IL16: variants seen among roughly 807,000 people sequenced by gnomAD.
IL16 encodes interleukin 16, also known as pro-interleukin-16.
Under a neutral mutation model 110.1 loss-of-function variants are expected in IL16, and 67 were observed. The ratio of observed to expected loss-of-function variants is 0.61; its 90% confidence interval spans 0.50 to 0.75. The LOEUF (loss-of-function observed/expected upper bound fraction) is 0.75, where lower values mean the gene tolerates loss of function less well. Among genes scored for constraint, IL16 ranks in the 30% least tolerant of loss-of-function variants. The probability of loss-of-function intolerance (pLI) is 0.00; values close to 1 mark genes in which losing one functional copy is unlikely to be tolerated. For missense variants in IL16, 1,545 were observed against 1,655.0 expected, an observed-to-expected ratio of 0.93 and a Z score of 1.15; for synonymous variants, 689 against 662.9, an observed-to-expected ratio of 1.04 and a Z score of -0.61.
chr15:81,300,516 C>CT, intron 14 of IL16, 41 bp downstream of exon 14: 1 of 1,280,360 alleles, frequency 7.8e-7, no homozygotes, highest in Non-Finnish European at 1.1e-6. Flanking sequence ...CCTTTCTCAT[C>CT]TTTTTCTTTC....
chr15:81,283,955 A>C (rs1439155832), intron 9 of IL16, among the ~76,000 whole-genome samples: 1 of 150,454 alleles, frequency 6.6e-6, no homozygotes, highest in African/African-American at 2.5e-5. Flanking sequence ...GTAAGCCAAG[A>C]TCGCACCATT....
At chr15:81,201,368 A>G (rs1895807593) in intron 1 of IL16, among the ~76,000 whole-genome samples, 1 of 152,110 alleles carries the variant, frequency 6.6e-6, no homozygotes, top group Non-Finnish European at 1.5e-5. Context: ...CTTTCAGGCC[A>G]AAGACTCCAT....
At chr15:81,206,072 A>AT (rs1483381765) in intron 1 of IL16, among the ~76,000 whole-genome samples, 13 of 152,222 alleles carry the variant, frequency 8.5e-5, no homozygotes, top group Admixed American at 7.2e-4. Context: ...CACTGTTAAG[A>AT]TTTTTTCAGA....
intron 1 of IL16, 51 bp from the exon 2 acceptor site, chr15:81,225,248 A>G: frequency 7.0e-7 from 1 of 1,426,802 alleles, no homozygotes; most frequent in Non-Finnish European, 9.3e-7. Context: ...GTGCAGCTCC[A>G]CTTGTCAGCA....
intron 1 of IL16, among the ~76,000 whole-genome samples, chr15:81,204,887 G>A (rs1467611562): frequency 4.6e-5 from 7 of 152,108 alleles, no homozygotes; most frequent in Admixed American, 2.6e-4. Flanking sequence ...TTCAAGATAG[G>A]GCAGAGCAAG....
At chr15:81,269,412 G>C in intron 4 of IL16, 126 bp from the exon 5 acceptor site, 1 of 688,806 alleles carries the variant, frequency 1.5e-6, no homozygotes, top group Non-Finnish European at 2.6e-6. Context: ...TGGTTGTTAC[G>C]CTGCCTGCCC....
intron 2 of IL16, among the ~76,000 whole-genome samples, chr15:81,238,181 C>T (rs891979696): frequency 2.6e-5 from 4 of 152,116 alleles, no homozygotes; most frequent in Non-Finnish European, 4.4e-5. Context: ...GGATTACAGG[C>T]GTGAGCCACT....
At chr15:81,254,564 C>G (rs1223387237) in intron 2 of IL16, among the ~76,000 whole-genome samples, 1 of 152,164 alleles carries the variant, frequency 6.6e-6, no homozygotes, top group Admixed American at 6.5e-5. Flanking sequence ...GACTGCTACC[C>G]AGGTAATTAC....
intron 15 of IL16, among the ~76,000 whole-genome samples, chr15:81,301,912 C>T (rs1900307744): frequency 6.6e-6 from 1 of 152,240 alleles, no homozygotes. Context: ...CAAGAGCTCT[C>T]ACCTGGAGCT....
At chr15:81,291,939 T>C (rs1302022352) in intron 11 of IL16, 13 of 455,992 alleles carry the variant, frequency 2.9e-5, no homozygotes, top group Admixed American at 2.3e-4. Context: ...GAAATGGAGT[T>C]GGGTCCCCCA....
intron 6 of IL16, among the ~76,000 whole-genome samples, chr15:81,276,748 G>C (rs1019564658): frequency 6.6e-6 from 1 of 152,190 alleles, no homozygotes; most frequent in African/African-American, 2.4e-5. Context: ...AAAACCTTGG[G>C]GTGCCAAATG....
Position 81,277,029 on chromosome 15 carries a change from TAA to T in IL16, c.791-1778_791-1777del, listed in dbSNP as rs35578784. Among the ~76,000 whole-genome samples the T allele has an allele frequency of 9.0e-4, 130 of 144,438 alleles. 1 individual carries two copies. Among genetic ancestry groups the T allele is most frequent in the Non-Finnish European group, 1.8e-3 (115 of 65,510 alleles). 94.8% of individuals were successfully genotyped at this position (144,438 alleles called of 152,430 possible). The stretch of plus-strand genomic sequence containing the variant: ...AACTGTAAGACAAGACCGGAAACAG[TAA>T]AAAAAAAAATAAGTGGAAGTGAAAA... On this transcript the variant is annotated intron_variant, in intron 6 of 18. Transcript: ENST00000683961.
At position 81,313,449 on chromosome 15, in the gene IL16, G is replaced by T. The variant is rs778476430; in HGVS notation, c.*4651G>T. On this transcript the variant is annotated 3_prime_UTR_variant, in exon 19 of 19. Coordinates refer to ENST00000683961, the MANE Select transcript of IL16 (RefSeq NM_172217.5). ...CTGTGTTATGATCTGCAGCAGAGGT[G>T]CTGGGGACGAGCGCCAGGCAGGTGA... 15 of 1,452,422 alleles carry T rather than the reference G, an allele frequency of 1.0e-5. No individual in the cohort carries two copies. The highest frequency in any genetic ancestry group is 1.4e-5 in the Non-Finnish European group (15 of 1,097,184). 90.0% of individuals were successfully genotyped at this position (1,452,422 alleles called of 1,614,324 possible).
intron 2 of IL16, among the ~76,000 whole-genome samples, chr15:81,230,708 T>C (rs1242812149): frequency 1.3e-5 from 2 of 152,096 alleles, no homozygotes; most frequent in Non-Finnish European, 2.9e-5. Context: ...TATTCCACAA[T>C]AATAGGATTT....
chr15:81,306,397 C>G (rs755464174), intron 17 of IL16, 23 bp from the exon 18 acceptor site: 2 of 1,612,928 alleles, frequency 1.2e-6, no homozygotes, highest in Non-Finnish European at 1.7e-6. Flanking sequence ...GGATCCCTAA[C>G]AGAGACCTTG....
intron 2 of IL16, among the ~76,000 whole-genome samples, chr15:81,247,298 TA>T (rs1227612964): frequency 6.6e-6 from 1 of 152,178 alleles, no homozygotes; most frequent in African/African-American, 2.4e-5. Context: ...GCACTTGAGA[TA>T]ACTTTTCCTG....
chr15:81,293,492 G>C (rs1567041219), intron 12 of IL16, among the ~76,000 whole-genome samples: 1 of 152,168 alleles, frequency 6.6e-6, no homozygotes, highest in Non-Finnish European at 1.5e-5. Context: ...CATGAGCTCA[G>C]GAGTTCAAGA....
intron 1 of IL16, among the ~76,000 whole-genome samples, chr15:81,208,395 C>T (rs1595948269): frequency 6.6e-6 from 1 of 152,310 alleles, no homozygotes; most frequent in African/African-American, 2.4e-5. Context: ...GGCATGATCT[C>T]AGCTTACTGC....
intron 1 of IL16, chr15:81,182,931 C>G (rs745546565): frequency 4.6e-5 from 59 of 1,272,052 alleles, no homozygotes; most frequent in Admixed American, 6.9e-5. Flanking sequence ...CCAGGGGACT[C>G]AGGGGAGGTT....
Sources: gnomAD v4.1 joint callset for allele counts (sites outside exome capture counted in the v4.1 genomes callset) on GRCh38, gnomAD v4.1.1 for gene constraint, MANE v1.5 for transcripts, NCBI Gene and HGNC (gene_info 2026-07-23, HGNC 2026-07-21) for gene names.